Variants in PPTC7 observed in about 807,000 individuals in gnomAD.
PPTC7 encodes the protein protein phosphatase PTC7 homolog.
A neutral mutation model predicts 30.8 loss-of-function variants in PPTC7; 6 were observed. The observed-to-expected ratio is 0.19, with a 90% CI of 0.11 to 0.38. PPTC7 has a LOEUF of 0.38. Ranked by LOEUF, PPTC7 falls within the 10% of genes least tolerant of loss-of-function variation. The pLI, the probability that PPTC7 is intolerant of heterozygous loss-of-function variation, is 1.00. For synonymous variants in PPTC7, 163 were observed against 168.1 expected, an observed-to-expected ratio of 0.97 and a Z score of 0.23; for missense variants, 218 against 404.8, an observed-to-expected ratio of 0.54 and a Z score of 3.96.
chr12:110,545,969 G>A lies in PPTC7; in HGVS notation c.513C>T (p.His171=). The A allele has an allele frequency of 6.2e-7, 1 of 1,614,168 alleles. No individual in the cohort carries two copies. Among genetic ancestry groups the A allele is most frequent in the Non-Finnish European group, 8.5e-7 (1 of 1,180,030 alleles). ...AGTAATGCTGCTGCTCATCTGATCGGTGCACGACTTCACCACCCCTGACAA... is the reference window on the plus strand; with the variant it reads ...AGTAATGCTGCTGCTCATCTGATCGATGCACGACTTCACCACCCCTGACAA... ...FLVVRGGEVV[H]RSDEQQHYFN... is the part of the protein sequence containing the mutation. Residue 171 remains histidine (H), a synonymous_variant, in exon 3 of 6, where the codon CAC becomes CAT. Transcript: ENST00000354300.
intron 1 of PPTC7, among the ~76,000 whole-genome samples, chr12:110,578,952 C>T (rs2135799097): frequency 6.6e-6 from 1 of 152,246 alleles, no homozygotes; most frequent in East Asian, 1.9e-4. Flanking sequence ...TCGACACCAG[C>T]CTAGGCAACG....
At chr12:110,543,394 TAGATAAGAGGGACC>T (rs1280577411) in intron 3 of PPTC7, among the ~76,000 whole-genome samples, 1 of 149,342 alleles carries the variant, frequency 6.7e-6, no homozygotes, top group African/African-American at 2.5e-5. Context: ...TAATATTCTG[TAGATAAGAGGGACC>T]ATTAACTAAG....
intron 1 of PPTC7, among the ~76,000 whole-genome samples, chr12:110,557,062 A>C (rs1052369559): frequency 3.3e-5 from 5 of 152,278 alleles, no homozygotes; most frequent in African/African-American, 9.6e-5. Flanking sequence ...GGCAGTAGCG[A>C]AAGTTGTAGA....
At chr12:110,565,024 G>A (rs1451039566) in intron 1 of PPTC7, among the ~76,000 whole-genome samples, 3 of 149,832 alleles carry the variant, frequency 2.0e-5, no homozygotes, top group Non-Finnish European at 3.0e-5. Flanking sequence ...ACAGGCACCC[G>A]TCACCATGCC....
intron 1 of PPTC7, among the ~76,000 whole-genome samples, chr12:110,575,207 A>T (rs1410021142): frequency 6.6e-6 from 1 of 152,192 alleles, no homozygotes; most frequent in Non-Finnish European, 1.5e-5. Context: ...ATCAAAAGTT[A>T]ACAACTAATT....
At chr12:110,547,352 C>G (rs1288761520) in intron 2 of PPTC7, among the ~76,000 whole-genome samples, 2 of 152,176 alleles carry the variant, frequency 1.3e-5, no homozygotes, top group Non-Finnish European at 2.9e-5. Context: ...ACTACTTAAC[C>G]TCTCTGTGCC....
chr12:110,552,482 C>A (rs572310056), intron 1 of PPTC7, among the ~76,000 whole-genome samples: 3 of 152,114 alleles, frequency 2.0e-5, no homozygotes, highest in Admixed American at 1.3e-4. Flanking sequence ...CTGTAGAGGG[C>A]GGTACTGTAC....
intron 1 of PPTC7, among the ~76,000 whole-genome samples, chr12:110,552,691 C>T (rs2064357600): frequency 1.3e-5 from 2 of 152,096 alleles, no homozygotes; most frequent in South Asian, 4.1e-4. Context: ...AGTGAAACCC[C>T]GTCTCTACTA....
chr12:110,541,165 T>C lies in PPTC7; in HGVS notation c.603-1220A>G, dbSNP rs574281986. On this transcript the variant is annotated intron_variant, in intron 3 of 5. Transcript: ENST00000354300. Reference sequence around the variant, plus strand: ...GGGAGGCCAAGGTGGGTGGATCACCTGAGGTCAGGAGTGCAAGACCAGCCT... The same window carrying C: ...GGGAGGCCAAGGTGGGTGGATCACCCGAGGTCAGGAGTGCAAGACCAGCCT... Among the ~76,000 whole-genome samples the C allele has an allele frequency of 9.4e-4, 143 of 151,394 alleles. 1 individual carries two copies. The highest frequency in any genetic ancestry group is 3.4e-3 in the Middle Eastern group (1 of 294).
intron 1 of PPTC7, among the ~76,000 whole-genome samples, chr12:110,581,175 G>A (rs1306331788): frequency 1.3e-5 from 2 of 152,122 alleles, no homozygotes; most frequent in East Asian, 3.8e-4. Flanking sequence ...TTGGGCGGCC[G>A]AGGCGAACAC....
chr12:110,537,221 C>T (rs1419715550), intron 5 of PPTC7, 126 bp from the exon 6 acceptor site: 7 of 557,374 alleles, frequency 1.3e-5, no homozygotes, highest in Non-Finnish European at 2.2e-5. Context: ...TCAGTATACC[C>T]TAGTAGAATA....
chr12:110,546,190 TA>T, intron 2 of PPTC7, 112 bp from the exon 3 acceptor site: 1 of 804,750 alleles, frequency 1.2e-6, no homozygotes, highest in African/African-American at 1.7e-5. Context: ...CTCCTTTGCC[TA>T]AACAGGACCT....
chr12:110,576,494 A>C (rs1231730790), intron 1 of PPTC7, among the ~76,000 whole-genome samples: 1 of 152,228 alleles, frequency 6.6e-6, no homozygotes, highest in East Asian at 1.9e-4. Flanking sequence ...AGATGAATGG[A>C]TCAACAAAAT....
Position 110,580,498 on chromosome 12 carries a change from C to T in PPTC7, c.223+2311G>A, listed in dbSNP as rs1048368932. Among the ~76,000 whole-genome samples, 4 of 152,058 alleles carry T rather than the reference C, an allele frequency of 2.6e-5. No individual in the cohort carries two copies. In the East Asian group the frequency reaches 7.7e-4, roughly 29 times the overall value. ...GGACTACAGGCGTGTGCCACCACAC[C>T]TGCCTAATTTTTGTATTTTTTAGTA... is the stretch of plus-strand genomic sequence containing the variant. On this transcript the variant is annotated intron_variant, in intron 1 of 5. Transcript: ENST00000354300.
rs760137827 is a variant in PPTC7 at position 110,539,870 on chromosome 12, A to G, written c.678T>C (p.Phe226=). The G allele has an allele frequency of 6.2e-7, 1 of 1,614,130 alleles. No homozygotes were observed. The highest frequency in any genetic ancestry group is 1.7e-5 in the Admixed American group (1 of 60,020). Residue 226 remains phenylalanine, a synonymous_variant, in exon 4 of 6, where the codon TTT becomes TTC. Transcript: ENST00000354300. ...DIILTATDGL[F]DNMPDYMILQ... ...GAATCATATAATCAGGCATGTTGTC[A>G]AAGAGTCCATCTGTTGCCGTCAGGA...
intron 3 of PPTC7, among the ~76,000 whole-genome samples, chr12:110,540,370 G>A (rs2064249973): frequency 7.6e-6 from 1 of 130,920 alleles, no homozygotes; most frequent in African/African-American, 2.9e-5. Context: ...TGTCGAGGCT[G>A]GAATGCAGTG....
At position 110,533,694 on chromosome 12, in the gene PPTC7, G is replaced by C. The variant is rs941910372; in HGVS notation, c.*3343C>G. ...TACCAAAGATAGCTGGTATTAAGGT[G>C]ACCTAAAGAACCATGAACTCATCCA... On this transcript the variant is annotated 3_prime_UTR_variant, in exon 6 of 6. Coordinates refer to ENST00000354300, the MANE Select transcript of PPTC7 (RefSeq NM_139283.2). 3.3e-5 allele frequency: 5 copies of C among 152,120 alleles called. No homozygotes were observed. The highest frequency in any genetic ancestry group is 1.2e-4 in the African/African-American group (5 of 41,414). The allele number at this position is 152,120 out of a possible 1,614,324, so 9.4% of individuals were successfully genotyped here. A position where few individuals can be genotyped will look rare whatever the true frequency, so the allele number is the denominator to read the frequency against.
Position 110,535,667 on chromosome 12 carries a change from A to G in PPTC7, c.*1370T>C, listed in dbSNP as rs932565407. 2.0e-5 allele frequency: 3 copies of G among 152,572 alleles called. No individual in the cohort carries two copies. Among genetic ancestry groups the G allele is most frequent in the African/African-American group, 7.2e-5 (3 of 41,462 alleles). 9.5% of individuals were successfully genotyped at this position (152,572 alleles called of 1,614,324 possible). On this transcript the variant is annotated 3_prime_UTR_variant, in exon 6 of 6. Coordinates refer to ENST00000354300, the MANE Select transcript of PPTC7 (RefSeq NM_139283.2). ...ATGTTACCTGACTTATATATAAAAC[A>G]TGGCTTTAATTTAAGGATTTCTAAG...
intron 3 of PPTC7, among the ~76,000 whole-genome samples, chr12:110,542,229 A>T (rs766817005): frequency 2.6e-5 from 4 of 152,064 alleles, no homozygotes; most frequent in Non-Finnish European, 5.9e-5. Context: ...AAATTGGGGG[A>T]AAAAACTCTT....
Sources: gnomAD v4.1 joint callset for allele counts (sites outside exome capture counted in the v4.1 genomes callset) on GRCh38, gnomAD v4.1.1 for gene constraint, MANE v1.5 for transcripts, NCBI Gene and HGNC (gene_info 2026-07-23, HGNC 2026-07-21) for gene names.